Variants in CCDC180 observed in about 807,000 individuals in gnomAD.
The protein encoded by CCDC180 is coiled-coil domain containing 180.
Under a neutral mutation model 209.2 loss-of-function variants are expected in CCDC180, and 154 were observed. The ratio of observed to expected loss-of-function variants is 0.74; its 90% CI spans 0.65 to 0.84. The LOEUF is 0.84. Ranked by LOEUF, CCDC180 falls within the 40% of genes least tolerant of loss-of-function variation. CCDC180 has a pLI of 0.00. For synonymous variants in CCDC180, 778 were observed against 749.1 expected (o/e 1.04, Z -0.63); for missense variants, 1,874 against 1,997.3 (o/e 0.94, Z 1.18).
chr9:97,370,714 T>C lies in CCDC180; in HGVS notation c.4424T>C (p.Leu1475Ser). 6.2e-7 allele frequency: 1 copy of C among 1,614,078 alleles called. No homozygotes were observed. The highest frequency in any genetic ancestry group is 2.2e-5 in the East Asian group (1 of 44,862). The change falls in exon 33 of 37, where the codon TTA becomes TCA. Residue 1475 changes from leucine to serine, a missense_variant. By Grantham distance (145) the Leu-to-Ser change is moderately radical (BLOSUM62 -2). Transcript: ENST00000529487. ...VHFQEMESLH[L>S]SEEERQEELD... ...TTCCAAGAAATGGAGTCTCTACACT[T>C]AAGTGAAGAGGAAAGGCAGGAAGAG...
intron 18 of CCDC180, 44 bp from the exon 19 acceptor site, chr9:97,343,296 C>T: frequency 7.7e-7 from 1 of 1,303,254 alleles, no homozygotes; most frequent in Non-Finnish European, 1.1e-6. Context: ...TTCCCAAGTC[C>T]ATTTGATGAT....
rs1465543747 is a variant in CCDC180, at chr9:97,318,511, G to C, written c.1008G>C (p.Lys336Asn). ...TCCATACTCCCCCGGCTGTGACGAA[G>C]GAGCTAGAGGTCATGCTGAAGACCC... ...ESIHTPPAVT[K>N]ELEVMLKTQN... The change falls in exon 10 of 37, where the codon AAG (lysine) becomes AAC (asparagine). Residue 336 changes from lysine to asparagine, a missense_variant. Physicochemically the swap from Lys to Asn is moderately conservative, Grantham distance 94 (BLOSUM62 0). Transcript: ENST00000529487. The C allele has an allele frequency of 6.2e-7, 1 of 1,613,830 alleles. No homozygotes were observed. Among genetic ancestry groups the C allele is most frequent in the Admixed American group, 1.7e-5 (1 of 60,016 alleles).
At chr9:97,308,894 C>T (rs1018224439) in intron 2 of CCDC180, among the ~76,000 whole-genome samples, 5 of 152,172 alleles carry the variant, frequency 3.3e-5, no homozygotes, top group African/African-American at 1.2e-4. Context: ...GGGCCTTTTC[C>T]TATGCGTTTT....
At chr9:97,371,253 C>T (rs1040108173) in intron 33 of CCDC180, 8 of 176,712 alleles carry the variant, frequency 4.5e-5, no homozygotes, top group East Asian at 2.8e-4. Context: ...CGTGAGCCAC[C>T]GCGCCCGGCC....
chr9:97,362,031 C>A, intron 27 of CCDC180, 133 bp downstream of exon 27: 1 of 1,366,592 alleles, frequency 7.3e-7, no homozygotes. Flanking sequence ...TGACCTCAGG[C>A]AAAGGGCTTC....
chr9:97,357,208 G>A (rs562440334), intron 24 of CCDC180, among the ~76,000 whole-genome samples: 167 of 152,064 alleles, frequency 1.1e-3, no homozygotes, highest in Middle Eastern at 3.4e-3. Context: ...AGCTTTCCAG[G>A]GAGTTTTTAC....
chr9:97,343,139 G>T (rs1826136271), intron 18 of CCDC180, among the ~76,000 whole-genome samples: 1 of 152,158 alleles, frequency 6.6e-6, no homozygotes, highest in Admixed American at 6.5e-5. Context: ...TGTTTTAAGA[G>T]AAATTAGAAA....
intron 9 of CCDC180, among the ~76,000 whole-genome samples, chr9:97,317,681 GGGA>G (rs978944711): frequency 6.6e-6 from 1 of 152,142 alleles, no homozygotes; most frequent in Non-Finnish European, 1.5e-5. Flanking sequence ...TCCCTCCCAT[GGGA>G]GGAGGTGTGA....
At chr9:97,338,304 T>C (rs1427849170) in intron 18 of CCDC180, among the ~76,000 whole-genome samples, 1 of 152,244 alleles carries the variant, frequency 6.6e-6, no homozygotes, top group African/African-American at 2.4e-5. Context: ...CATTTAGTGC[T>C]ATAAATTTCC....
intron 3 of CCDC180, among the ~76,000 whole-genome samples, 184 bp from the exon 4 acceptor site, chr9:97,311,929 C>T (rs1376494172): frequency 6.6e-6 from 1 of 152,100 alleles, no homozygotes; most frequent in African/African-American, 2.4e-5. Context: ...TGGCAGGGAA[C>T]CCCAGGCGGC....
intron 14 of CCDC180, among the ~76,000 whole-genome samples, chr9:97,325,487 A>G (rs1033258285): frequency 2.0e-5 from 3 of 152,218 alleles, no homozygotes; most frequent in Admixed American, 1.3e-4. Context: ...TAGGTTCACA[A>G]TGCTTAAAGA....
intron 14 of CCDC180, among the ~76,000 whole-genome samples, chr9:97,325,977 TCTC>T (rs1833518759): frequency 6.6e-6 from 1 of 152,060 alleles, no homozygotes; most frequent in African/African-American, 2.4e-5. Context: ...AACTCCAAGT[TCTC>T]CTATATGGGG....
Position 97,323,820 on chromosome 9 carries a change from G to A in CCDC180, c.1288G>A (p.Ala430Thr). 2 of 1,557,690 alleles carry A rather than the reference G, an allele frequency of 1.3e-6. No individual in the cohort carries two copies. The highest frequency in any genetic ancestry group is 1.7e-6 in the Non-Finnish European group (2 of 1,150,008). Residue 430 changes from alanine (A) to threonine (T), a missense_variant, in exon 13 of 37, where the codon GCA (alanine) becomes ACA (threonine). Physicochemically the swap from Ala to Thr is moderately conservative, Grantham distance 58 (BLOSUM62 0). Coordinates refer to ENST00000529487, the MANE Select transcript of CCDC180 (RefSeq NM_020893.6). ...CTGGAAAGCCTTCACTGAGGAGGAG[G>A]CAGAGACCCTGGTGAACCAGTTCTT... ...LDWKAFTEEEAETLVNQFFFQ... is the reference protein window; with the variant it reads ...LDWKAFTEEETETLVNQFFFQ...
At chr9:97,346,428 T>G (rs1826263286) in intron 19 of CCDC180, among the ~76,000 whole-genome samples, 1 of 152,186 alleles carries the variant, frequency 6.6e-6, no homozygotes, top group African/African-American at 2.4e-5. Flanking sequence ...AAAAGTACCA[T>G]ACATTTTTAA....
intron 10 of CCDC180, 114 bp downstream of exon 10, chr9:97,318,696 C>G: frequency 7.1e-7 from 1 of 1,415,170 alleles, no homozygotes. Context: ...AGACCAACTC[C>G]CAGCTCTCTG....
chr9:97,325,150 G>A lies in CCDC180; in HGVS notation c.1503G>A (p.Lys501=), dbSNP rs145203696. 1,742 of 1,610,676 alleles carry A rather than the reference G, an allele frequency of 1.1e-3. 2 individuals carry two copies. The highest frequency in any genetic ancestry group is 1.3e-3 in the Admixed American group (80 of 59,370). The change falls in exon 14 of 37, where the codon AAG becomes AAA. Residue 501 remains lysine (K), a synonymous_variant. Transcript: ENST00000529487. ...TGGTGCAGGAGCTGGAGCTGGAGAAGAGGATGGAGCAGCACCGGCAGAAGC... is the reference window on the plus strand; with the variant it reads ...TGGTGCAGGAGCTGGAGCTGGAGAAAAGGATGGAGCAGCACCGGCAGAAGC... ...ELLVQELELE[K]RMEQHRQKHS... is the part of the protein sequence containing the mutation.
chr9:97,353,596 A>G (rs1305032212), intron 22 of CCDC180, among the ~76,000 whole-genome samples: 1 of 152,208 alleles, frequency 6.6e-6, no homozygotes, highest in African/African-American at 2.4e-5. Context: ...GCATTCCTTC[A>G]GAGAGAATCC....
rs150632491 is a variant in CCDC180 at position 97,317,164 on chromosome 9, C to G, written c.895C>G (p.Arg299Gly). ...GCAGCAGGAGCTGGACAGCCGCCAC[C>G]GCTGGCAAGGCTTGGTGGACACCTG... The part of the protein sequence containing the change: ...TLQQELDSRH[R>G]WQGLVDTWKA... Residue 299 changes from arginine to glycine, a missense_variant, in exon 9 of 37, where the codon CGC (arginine) becomes GGC (glycine). Arg to Gly is a moderately radical substitution (Grantham distance 125). Coordinates refer to ENST00000529487, the MANE Select transcript of CCDC180 (RefSeq NM_020893.6). 1 of 1,613,304 alleles carries G rather than the reference C, an allele frequency of 6.2e-7. No homozygotes were observed. The highest frequency in any genetic ancestry group is 8.5e-7 in the Non-Finnish European group (1 of 1,179,656).
chr9:97,343,270 G>A (rs888581004), intron 18 of CCDC180, 70 bp from the exon 19 acceptor site: 10 of 1,040,332 alleles, frequency 9.6e-6, no homozygotes, highest in Non-Finnish European at 1.4e-5. Flanking sequence ...TGATATCAAG[G>A]AACCTGTGGT....
Sources: allele counts gnomAD v4.1 joint callset (sites outside exome capture counted in the v4.1 genomes callset), GRCh38; gene constraint gnomAD v4.1.1; transcripts MANE v1.5; gene names NCBI Gene and HGNC (gene_info 2026-07-23, HGNC 2026-07-21).